The following CYP4Z1 variants were observed in gnomAD, a reference collection of about 807,000 sequenced individuals.
CYP4Z1 encodes the protein cytochrome P450 4Z1.
CYP4Z1 carries 41 observed loss-of-function variants against 54.2 expected under a neutral mutation model. That is an observed-to-expected ratio of 0.76 (90% CI 0.59 to 0.98). The LOEUF (loss-of-function observed/expected upper bound fraction) is 0.98, where lower values mean the gene tolerates loss of function less well. CYP4Z1 is among the 50% of genes least tolerant of loss of function. CYP4Z1 has a pLI of 0.00. For synonymous variants in CYP4Z1, 163 were observed against 206.2 expected (o/e 0.79, Z 1.79); for missense variants, 513 against 599.0 (o/e 0.86, Z 1.50).
chr1:47,058,838 A>C, the CYP4Z1 span, among the ~76,000 whole-genome samples: 1 of 152,154 alleles, frequency 6.6e-6, no homozygotes, highest in African/African-American at 2.4e-5. Context: ...CAACCCTGGC[A>C]GGGACAGGCA....
At chr1:47,074,050 T>A (rs1644500983) in intron 2 of CYP4Z1, among the ~76,000 whole-genome samples, 1 of 152,116 alleles carries the variant, frequency 6.6e-6, no homozygotes, top group Non-Finnish European at 1.5e-5. Context: ...CTCCCCTATT[T>A]TTTCTTCTAA....
At chr1:47,105,172 T>C (rs1219690451) in intron 8 of CYP4Z1, among the ~76,000 whole-genome samples, 1 of 137,090 alleles carries the variant, frequency 7.3e-6, no homozygotes, top group Non-Finnish European at 1.6e-5. Flanking sequence ...TCACTGGCAG[T>C]GGCTCCCACC....
At chr1:47,066,114 G>C (rs1198696010), upstream of CYP4Z1, among the ~76,000 whole-genome samples, 1 of 152,058 alleles carries the variant, frequency 6.6e-6, no homozygotes, top group East Asian at 1.9e-4. Flanking sequence ...CAAAGAAGAA[G>C]TGGTACCAAT....
At chr1:47,096,023 C>T (rs1038028579) in intron 7 of CYP4Z1, among the ~76,000 whole-genome samples, 3 of 152,078 alleles carry the variant, frequency 2.0e-5, no homozygotes, top group Non-Finnish European at 2.9e-5. Context: ...ATGTGAAACA[C>T]GACTCTTCCT....
chr1:47,114,944 A>G (rs368968761), intron 9 of CYP4Z1, among the ~76,000 whole-genome samples: 32 of 152,282 alleles, frequency 2.1e-4, no homozygotes, highest in African/African-American at 7.0e-4. Context: ...TCCCATTACT[A>G]GGTATATACC....
intron 7 of CYP4Z1, 144 bp from the exon 8 acceptor site, chr1:47,098,950 A>T: frequency 2.1e-6 from 2 of 972,224 alleles, no homozygotes; most frequent in Non-Finnish European, 3.0e-6. Flanking sequence ...GTTTGAAAAA[A>T]GTAAAATAGA....
intron 6 of CYP4Z1, among the ~76,000 whole-genome samples, chr1:47,086,688 T>C (rs2148531206): frequency 6.6e-6 from 1 of 152,316 alleles, no homozygotes; most frequent in Non-Finnish European, 1.5e-5. Flanking sequence ...GCAGAAGCTC[T>C]TTAGTTTAAT....
At chr1:47,117,384 G>C (rs549983212) in intron 11 of CYP4Z1, among the ~76,000 whole-genome samples, 1 of 152,238 alleles carries the variant, frequency 6.6e-6, no homozygotes, top group South Asian at 2.1e-4. Context: ...GACATTAATG[G>C]ACTTTCTGAT....
chr1:47,082,705 G>A (rs1251423253), intron 4 of CYP4Z1, among the ~76,000 whole-genome samples: 29 of 151,688 alleles, frequency 1.9e-4, no homozygotes, highest in Admixed American at 1.9e-3. Flanking sequence ...GAGTGAGTGA[G>A]TCCAGTAGAC....
At chr1:47,102,227 G>T (rs561413071) in intron 8 of CYP4Z1, among the ~76,000 whole-genome samples, 1 of 152,238 alleles carries the variant, frequency 6.6e-6, no homozygotes, top group Admixed American at 6.5e-5. Context: ...CTTTTAAGTG[G>T]AAATTTTAAT....
At chr1:47,087,807 T>A (rs1291797524) in intron 6 of CYP4Z1, among the ~76,000 whole-genome samples, 2 of 152,238 alleles carry the variant, frequency 1.3e-5, no homozygotes, top group African/African-American at 4.8e-5. Context: ...GTTTTGCCCA[T>A]TCAGTATGAT....
At chr1:47,117,525 C>T (rs1051193362) in intron 11 of CYP4Z1, among the ~76,000 whole-genome samples, 1 of 151,936 alleles carries the variant, frequency 6.6e-6, no homozygotes, top group African/African-American at 2.4e-5. Context: ...CCAAGGTAGG[C>T]GGATTACTTG....
chr1:47,112,408 AT>A (rs1392028364), intron 9 of CYP4Z1, among the ~76,000 whole-genome samples: 3 of 152,206 alleles, frequency 2.0e-5, no homozygotes, highest in Non-Finnish European at 2.9e-5. Flanking sequence ...TTTTTCACAA[AT>A]TTTTTCAAAC....
chr1:47,089,207 T>C (rs1049368051), intron 6 of CYP4Z1, among the ~76,000 whole-genome samples: 3 of 152,162 alleles, frequency 2.0e-5, no homozygotes, highest in Non-Finnish European at 4.4e-5. Context: ...TTTATTAGAA[T>C]CTAACATATG....
chr1:47,065,828 T>C (rs1216117848), upstream of CYP4Z1, among the ~76,000 whole-genome samples: 1 of 152,048 alleles, frequency 6.6e-6, no homozygotes, highest in East Asian at 1.9e-4. Flanking sequence ...TAAACTCAAT[T>C]AGAAATGAAA....
the CYP4Z1 span, among the ~76,000 whole-genome samples, chr1:47,060,723 C>A: frequency 6.6e-6 from 1 of 152,164 alleles, no homozygotes; most frequent in African/African-American, 2.4e-5. Context: ...CTCTACAGGA[C>A]TCTCTATCCC....
chr1:47,107,983 T>A (rs540638175), intron 9 of CYP4Z1, among the ~76,000 whole-genome samples: 5 of 152,310 alleles, frequency 3.3e-5, no homozygotes, highest in Admixed American at 3.3e-4. Flanking sequence ...TACTTATACG[T>A]CATCTCTGGT....
intron 6 of CYP4Z1, among the ~76,000 whole-genome samples, chr1:47,089,371 G>A (rs1231147974): frequency 4.6e-5 from 7 of 151,462 alleles, no homozygotes; most frequent in Admixed American, 4.6e-4. Flanking sequence ...TGCAGGATAC[G>A]GATAATAATT....
chr1:47,076,810 A>T (rs1388767235), intron 2 of CYP4Z1, among the ~76,000 whole-genome samples: 1 of 137,212 alleles, frequency 7.3e-6, no homozygotes, highest in Non-Finnish European at 1.5e-5. Flanking sequence ...GCGCCCCTGC[A>T]CTCCAGCCTG....
Sources: gnomAD v4.1 joint callset for allele counts (sites outside exome capture counted in the v4.1 genomes callset) on GRCh38, gnomAD v4.1.1 for gene constraint, MANE v1.5 for transcripts, NCBI Gene and HGNC (gene_info 2026-07-23, HGNC 2026-07-21) for gene names.